Variants in CLEC6A observed in about 807,000 individuals in gnomAD.
The protein encoded by CLEC6A is C-type lectin domain containing 6A.
A neutral mutation model predicts 25.7 loss-of-function variants in CLEC6A; 22 were observed. The ratio of observed to expected loss-of-function variants is 0.85; its 90% CI spans 0.61 to 1.22. CLEC6A has a LOEUF of 1.22. Ranked by LOEUF, CLEC6A falls within the 50% of genes most tolerant of loss-of-function variation. The pLI is 0.00. For missense variants in CLEC6A, 240 were observed against 236.8 expected (o/e 1.01, Z -0.09); for synonymous variants, 92 against 76.7 (o/e 1.20, Z -1.04).
chr12:8,473,230 G>A (rs1939928858), intron 4 of CLEC6A, among the ~76,000 whole-genome samples: 1 of 8,572 alleles, frequency 1.2e-4, no homozygotes, highest in Non-Finnish European at 3.8e-4. Flanking sequence ...TCCTGACCTC[G>A]TGATCCGCCC....
intron 2 of CLEC6A, among the ~76,000 whole-genome samples, chr12:8,459,390 G>A (rs1939722017): frequency 6.6e-6 from 1 of 151,920 alleles, no homozygotes; most frequent in Non-Finnish European, 1.5e-5. Flanking sequence ...TTCTAGTGGT[G>A]AAAAGACCAA....
chr12:8,457,049 G>C (rs186482950), intron 1 of CLEC6A, among the ~76,000 whole-genome samples: 2 of 151,958 alleles, frequency 1.3e-5, no homozygotes, highest in Admixed American at 1.3e-4. Flanking sequence ...GGTGGAGGTT[G>C]CAGGGTGCCA....
chr12:8,470,002 C>T (rs1007458906), intron 4 of CLEC6A, among the ~76,000 whole-genome samples: 3 of 152,112 alleles, frequency 2.0e-5, no homozygotes, highest in Admixed American at 6.6e-5. Context: ...AGACAACACA[C>T]AAAGTAGGAG....
intron 4 of CLEC6A, among the ~76,000 whole-genome samples, chr12:8,468,874 A>G (rs6487173): frequency 0.77 from 117,477 of 151,980 alleles, 45,871 homozygotes; most frequent in East Asian, 0.99. Context: ...CTGAGAACTG[A>G]AACAAGACAA....
chr12:8,467,945 C>CT (rs949962018), intron 4 of CLEC6A, among the ~76,000 whole-genome samples: 6 of 150,250 alleles, frequency 4.0e-5, no homozygotes, highest in Non-Finnish European at 8.9e-5. Flanking sequence ...ATTTATTTTG[C>CT]TTTTTTTTTT....
At position 8,464,012 on chromosome 12, in the gene CLEC6A, T is replaced by C. The variant is rs147578494; in HGVS notation, c.224-1472T>C. On this transcript the variant is annotated intron_variant, in intron 3 of 5. Coordinates refer to ENST00000382073, the MANE Select transcript of CLEC6A (RefSeq NM_001007033.2). Reference sequence around the variant, plus strand: ...TTTGACTTTCAAAATTCAAATCGTATGTTAATACATACTTTGAGACATATT... The same window carrying C: ...TTTGACTTTCAAAATTCAAATCGTACGTTAATACATACTTTGAGACATATT... 3.1e-3 allele frequency among the ~76,000 whole-genome samples: 471 copies of C among 152,314 alleles called. 1 individual carries two copies. Among genetic ancestry groups the C allele is most frequent in the Non-Finnish European group, 4.5e-3 (309 of 68,032 alleles).
intron 2 of CLEC6A, among the ~76,000 whole-genome samples, chr12:8,458,736 G>T (rs1319329624): frequency 1.3e-5 from 2 of 152,206 alleles, no homozygotes; most frequent in Non-Finnish European, 2.9e-5. Flanking sequence ...ATAATCAAGT[G>T]CAAGAGAGAA....
At chr12:8,468,914 C>T (rs1461195566) in intron 4 of CLEC6A, among the ~76,000 whole-genome samples, 1 of 152,070 alleles carries the variant, frequency 6.6e-6, no homozygotes, top group African/African-American at 2.4e-5. Context: ...TTTTATTCAA[C>T]ATAGTACTGG....
At chr12:8,467,314 TAC>T (rs1359602541) in intron 4 of CLEC6A, among the ~76,000 whole-genome samples, 1 of 152,288 alleles carries the variant, frequency 6.6e-6, no homozygotes, top group Non-Finnish European at 1.5e-5. Context: ...CCTGGAGTTT[TAC>T]AGTTTTAGGC....
rs1939929414 is a variant in CLEC6A at position 8,473,270 on chromosome 12, AGGCG to A, written c.370-2854_370-2851del. On this transcript the variant is annotated intron_variant, in intron 4 of 5. Transcript: ENST00000382073. ...CGGCCTCCCAAAGTGCTGGGATTAC[AGGCG>A]TGAGCCACCGCGCCCGGCCAGCTCC... Among the ~76,000 whole-genome samples the A allele has an allele frequency of 2.4e-4, 2 of 8,228 alleles. 1 individual carries two copies. The highest frequency in any genetic ancestry group is 8.1e-4 in the Non-Finnish European group (2 of 2,454). The allele number at this position is 8,228 out of a possible 152,430, so 5.4% of individuals were successfully genotyped here.
intron 4 of CLEC6A, among the ~76,000 whole-genome samples, chr12:8,468,915 A>G (rs1008016602): frequency 6.6e-6 from 1 of 152,198 alleles, no homozygotes; most frequent in Non-Finnish European, 1.5e-5. Flanking sequence ...TTTATTCAAC[A>G]TAGTACTGGA....
In CLEC6A at chr12:8,465,498, C is replaced by A; in HGVS notation, c.238C>A (p.Pro80Thr). 2 of 1,613,788 alleles carry A rather than the reference C, an allele frequency of 1.2e-6. No homozygotes were observed. Among genetic ancestry groups the A allele is most frequent in the East Asian group, 4.5e-5 (2 of 44,860 alleles). Residue 80 changes from proline (P) to threonine (T), a missense_variant, in exon 4 of 6, where the codon CCA becomes ACA. Pro to Thr is a conservative substitution (Grantham distance 38). Transcript: ENST00000382073. ...GTKVPAWGCC[P>T]ASWKSFGSSC... ...CACAAAAATAGCCTGGGGATGTTGC[C>A]CAGCTTCTTGGAAGTCATTTGGTTC...
intron 3 of CLEC6A, among the ~76,000 whole-genome samples, chr12:8,462,714 A>G (rs1939778039): frequency 6.6e-6 from 1 of 152,026 alleles, no homozygotes; most frequent in East Asian, 1.9e-4. Context: ...AGAAACACCC[A>G]AAAATGATCA....
chr12:8,466,259 A>C (rs1235698311), intron 4 of CLEC6A, among the ~76,000 whole-genome samples: 1 of 152,212 alleles, frequency 6.6e-6, no homozygotes, highest in Non-Finnish European at 1.5e-5. Flanking sequence ...AGAACACATA[A>C]GATGCTACAT....
intron 4 of CLEC6A, among the ~76,000 whole-genome samples, chr12:8,468,900 C>T (rs951098995): frequency 9.9e-5 from 15 of 152,086 alleles, no homozygotes; most frequent in African/African-American, 3.6e-4. Flanking sequence ...CCCACTCTTA[C>T]CATTTTTATT....
At position 8,461,095 on chromosome 12, in the gene CLEC6A, G is replaced by A. The variant is rs146952227; in HGVS notation, c.223+1397G>A. On this transcript the variant is annotated intron_variant, in intron 3 of 5. Transcript: ENST00000382073. ...CACCAAACCAGTCCACAAGCACAGG[G>A]AGATGTGTGGGCTGACATCTGCAGG... 637 of 1,595,852 alleles carry A rather than the reference G, an allele frequency of 4.0e-4. 12 individuals are homozygous for A. In the East Asian group the frequency reaches 0.014, roughly 35 times the overall value.
chr12:8,458,108 A>C (rs1939702627), intron 2 of CLEC6A, 121 bp downstream of exon 2: 3 of 622,614 alleles, frequency 4.8e-6, no homozygotes, highest in Non-Finnish European at 8.3e-6. Context: ...GGAATGCCAC[A>C]CTTTCCTTGA....
At chr12:8,464,522 C>T (rs927627573) in intron 3 of CLEC6A, among the ~76,000 whole-genome samples, 1 of 151,862 alleles carries the variant, frequency 6.6e-6, no homozygotes, top group Non-Finnish European at 1.5e-5. Flanking sequence ...TAGTAGAGAT[C>T]GGGGTTTCAT....
At chr12:8,460,471 C>A (rs986845252) in intron 3 of CLEC6A, 2 of 590,152 alleles carry the variant, frequency 3.4e-6, no homozygotes, top group Non-Finnish European at 6.0e-6. Context: ...TTATCTCCCA[C>A]AGGGTCCCTC....
Sources: gnomAD v4.1 joint callset for allele counts (sites outside exome capture counted in the v4.1 genomes callset) on GRCh38, gnomAD v4.1.1 for gene constraint, MANE v1.5 for transcripts, NCBI Gene and HGNC (gene_info 2026-07-23, HGNC 2026-07-21) for gene names.